The following PDE1C variants were observed in gnomAD, a reference collection of about 807,000 sequenced individuals.
PDE1C encodes phosphodiesterase 1C.
Under a neutral mutation model 93.1 loss-of-function variants are expected in PDE1C, and 62 were observed. The observed-to-expected ratio is 0.67, with a 90% CI of 0.54 to 0.82. The LOEUF (loss-of-function observed/expected upper bound fraction) is 0.82. Ranked by LOEUF, PDE1C falls within the 40% of genes least tolerant of loss-of-function variation. PDE1C has a pLI of 0.00. For synonymous variants in PDE1C, 325 were observed against 310.1 expected (o/e 1.05, Z -0.50); for missense variants, 742 against 884.6 (o/e 0.84, Z 2.04).
intron 1 of PDE1C, among the ~76,000 whole-genome samples, chr7:32,237,232 G>A (rs539951438): frequency 4.6e-5 from 7 of 151,672 alleles, no homozygotes; most frequent in African/African-American, 1.5e-4. Context: ...GACTATAGGC[G>A]CCTACCACCA....
intron 3 of PDE1C, among the ~76,000 whole-genome samples, chr7:32,165,050 G>T (rs2128800806): frequency 6.6e-6 from 1 of 152,272 alleles, no homozygotes; most frequent in African/African-American, 2.4e-5. Context: ...CTTTATTTGT[G>T]GTTCCCACTT....
chr7:31,664,301 A>G, the PDE1C span, among the ~76,000 whole-genome samples: 1 of 152,174 alleles, frequency 6.6e-6, no homozygotes, highest in Non-Finnish European at 1.5e-5. Context: ...GCACAGAGCC[A>G]GTTGAGATTT....
chr7:32,183,792 T>C (rs541784557), intron 2 of PDE1C, among the ~76,000 whole-genome samples: 3 of 151,918 alleles, frequency 2.0e-5, no homozygotes, highest in Non-Finnish European at 4.4e-5. Flanking sequence ...AAAGACAAAA[T>C]TGACAAATAG....
At chr7:32,252,917 T>G (rs1809497437) in intron 1 of PDE1C, among the ~76,000 whole-genome samples, 1 of 152,244 alleles carries the variant, frequency 6.6e-6, no homozygotes, top group African/African-American at 2.4e-5. Flanking sequence ...GTGTCCCTTC[T>G]CATGGCCTAA....
chr7:32,387,021 G>C (rs1403317745), intron 1 of PDE1C, among the ~76,000 whole-genome samples: 1 of 151,084 alleles, frequency 6.6e-6, no homozygotes, highest in East Asian at 1.9e-4. Flanking sequence ...AGGACCCTGC[G>C]GCCTTCCGCA....
chr7:31,667,142 G>T, the PDE1C span, among the ~76,000 whole-genome samples: 1 of 152,098 alleles, frequency 6.6e-6, no homozygotes, highest in Non-Finnish European at 1.5e-5. Context: ...GGGGCACAAG[G>T]GTGGTCATAC....
chr7:31,730,550 G>A, the PDE1C span, among the ~76,000 whole-genome samples: 2 of 152,196 alleles, frequency 1.3e-5, no homozygotes, highest in Non-Finnish European at 2.9e-5. Flanking sequence ...GGAAAGAAAA[G>A]CAGGCCTCCA....
At position 31,780,000 on chromosome 7, in the gene PDE1C, C is replaced by T. The variant is rs533801554; in HGVS notation, c.1892-4268G>A. ...ATGCACACAGAAGGCTTCAGACCAC[C>T]CACCACATGGAACTGGTTCTTGGAT... On this transcript the variant is annotated intron_variant, in intron 16 of 17. Transcript: ENST00000396191. 5.3e-5 allele frequency among the ~76,000 whole-genome samples: 8 copies of T among 152,312 alleles called. No individual in the cohort carries two copies. The South Asian group carries it at 1.7e-3, about 32-fold the overall frequency.
intron 3 of PDE1C, among the ~76,000 whole-genome samples, chr7:32,163,496 T>A (rs1162001350): frequency 6.6e-6 from 1 of 152,162 alleles, no homozygotes; most frequent in Non-Finnish European, 1.5e-5. Context: ...GCGATTCTGC[T>A]CTCTGGAACA....
rs115040325 is a variant in PDE1C at position 31,920,170 on chromosome 7, G to A, written c.129-39310C>T. Among the ~76,000 whole-genome samples, 336 of 152,230 alleles carry A rather than the reference G, an allele frequency of 2.2e-3. 1 individual carries two copies. The highest frequency in any genetic ancestry group is 7.5e-3 in the African/African-American group (312 of 41,540). ...GGGCTCAACGTCCTACCCATACACT[G>A]AGTCCCTGCTTCCCTTTAACTCCCT... is the stretch of plus-strand genomic sequence containing the variant. On this transcript the variant is annotated intron_variant, in intron 2 of 17. Transcript: ENST00000396191.
intron 1 of PDE1C, among the ~76,000 whole-genome samples, chr7:32,366,542 G>A (rs943511611): frequency 1.3e-5 from 2 of 152,202 alleles, no homozygotes; most frequent in African/African-American, 4.8e-5. Context: ...CCTTGGGAGA[G>A]AGATGGACAT....
Position 32,201,750 on chromosome 7 carries a change from G to A in PDE1C, c.136+7739C>T, listed in dbSNP as rs146899301. Among the ~76,000 whole-genome samples the A allele has an allele frequency of 2.0e-3, 310 of 152,316 alleles. 3 individuals are homozygous for A. The highest frequency in any genetic ancestry group is 7.1e-3 in the African/African-American group (295 of 41,562). On this transcript the variant is annotated intron_variant, in intron 2 of 18. Transcript: ENST00000396193. ...CAAAGCAGTCTTTAAAATTTTTATT[G>A]GTGGTAGAATGGCTAAATGGACTGT... is the stretch of plus-strand genomic sequence containing the variant.
rs5883321 is a variant in PDE1C, at chr7:32,034,054, CTGTGTGTG to C, written c.128+17492_128+17499del. Among the ~76,000 whole-genome samples the C allele has an allele frequency of 2.1e-3, 315 of 148,498 alleles. 3 individuals carry two copies. The highest frequency in any genetic ancestry group is 6.5e-3 in the African/African-American group (260 of 39,888). ...TAATCAGTGGTAGTAAGATGAGAGACTGTGTGTGTGTGTGTGTGTGTGTGTGTGTGTTT... is the reference window on the plus strand; with the variant it reads ...TAATCAGTGGTAGTAAGATGAGAGACTGTGTGTGTGTGTGTGTGTGTGTTT... On this transcript the variant is annotated intron_variant, in intron 2 of 17. Transcript: ENST00000396191.
the PDE1C span, among the ~76,000 whole-genome samples, chr7:31,703,034 G>A: frequency 6.6e-6 from 1 of 152,144 alleles, no homozygotes; most frequent in South Asian, 2.1e-4. Flanking sequence ...TTGTGACCCT[G>A]GACAATTAAC....
At chr7:31,932,919 C>T (rs910401707) in intron 2 of PDE1C, among the ~76,000 whole-genome samples, 12 of 152,064 alleles carry the variant, frequency 7.9e-5, no homozygotes, top group African/African-American at 2.4e-4. Context: ...TTTGCAAGGA[C>T]GTGGATGAAA....
At chr7:32,147,104 T>G (rs1369828077) in intron 3 of PDE1C, among the ~76,000 whole-genome samples, 1 of 151,164 alleles carries the variant, frequency 6.6e-6, no homozygotes, top group Non-Finnish European at 1.5e-5. Flanking sequence ...AATACTCTGG[T>G]GTCTTTTAAA....
intron 14 of PDE1C, among the ~76,000 whole-genome samples, chr7:31,819,781 A>T (rs766174881): frequency 6.6e-6 from 1 of 152,100 alleles, no homozygotes; most frequent in Non-Finnish European, 1.5e-5. Flanking sequence ...TAAAAACTGT[A>T]TTGGGCTAAT....
chr7:32,091,462 A>G (rs979671215), intron 3 of PDE1C, among the ~76,000 whole-genome samples: 5 of 152,228 alleles, frequency 3.3e-5, no homozygotes, highest in Non-Finnish European at 5.9e-5. Flanking sequence ...CAGGGTGGTT[A>G]GAGTTGGCCT....
In PDE1C at chr7:31,862,526, G is replaced by A. The variant is rs1016428120; in HGVS notation, c.750+2416C>T. Among the ~76,000 whole-genome samples the A allele has an allele frequency of 1.0e-4, 10 of 96,688 alleles. No individual in the cohort carries two copies. The East Asian group carries it at 2.9e-3, about 28-fold the overall frequency. 63.4% of individuals were successfully genotyped at this position (96,688 alleles called of 152,430 possible). A position where few individuals can be genotyped will look rare whatever the true frequency, so the allele number is the denominator to read the frequency against. ...AGGCTAGGAAGCTTAAGATCAAGGC[G>A]CTGGTAGATTTGGCATCTGGTGAGG... On this transcript the variant is annotated intron_variant, in intron 7 of 17. Transcript: ENST00000396191.
Sources: gnomAD v4.1 joint callset for allele counts (sites outside exome capture counted in the v4.1 genomes callset) on GRCh38, gnomAD v4.1.1 for gene constraint, MANE v1.5 for transcripts, NCBI Gene and HGNC (gene_info 2026-07-23, HGNC 2026-07-21) for gene names.